Variants in ELFN1 observed in about 807,000 individuals in gnomAD.
ELFN1 encodes the protein protein ELFN1.
ELFN1 carries 6 observed loss-of-function variants against 7.6 expected under a neutral mutation model. The observed-to-expected ratio is 0.79, with a 90% CI of 0.43 to 1.56. ELFN1 has a LOEUF of 1.56. ELFN1 is among the 40% of genes most tolerant of loss of function. The pLI, the probability that ELFN1 is intolerant of heterozygous loss-of-function variation, is 0.01. For missense variants in ELFN1, 1,169 were observed against 1,232.2 expected (o/e 0.95, Z 0.77); for synonymous variants, 657 against 588.1 (o/e 1.12, Z -1.70).
At chr7:1,723,869 C>G (rs976333550) in intron 3 of ELFN1, among the ~76,000 whole-genome samples, 2 of 152,254 alleles carry the variant, frequency 1.3e-5, no homozygotes, top group African/African-American at 4.8e-5. Context: ...CCTGACGCCC[C>G]TGCCCTCAGC....
intron 1 of ELFN1, among the ~76,000 whole-genome samples, chr7:1,672,069 G>A (rs1218542881): frequency 2.0e-5 from 3 of 152,200 alleles, no homozygotes; most frequent in Non-Finnish European, 4.4e-5. Context: ...CTCGGCCGCA[G>A]CAGGACTGCT....
intron 3 of ELFN1, among the ~76,000 whole-genome samples, chr7:1,716,487 G>A (rs1187974602): frequency 1.3e-5 from 2 of 152,236 alleles, no homozygotes; most frequent in Admixed American, 6.5e-5. Context: ...GGACGTGGGC[G>A]TATGTCTGTG....
chr7:1,725,695 A>G (rs1780171737), intron 3 of ELFN1, among the ~76,000 whole-genome samples: 1 of 152,152 alleles, frequency 6.6e-6, no homozygotes, highest in South Asian at 2.1e-4. Flanking sequence ...TGTGTAACAC[A>G]TGTGTGCACG....
chr7:1,729,887 G>A (rs1460788798), intron 3 of ELFN1, among the ~76,000 whole-genome samples: 1 of 152,200 alleles, frequency 6.6e-6, no homozygotes, highest in Non-Finnish European at 1.5e-5. Context: ...ATGCCTACTG[G>A]GATGTCCATC....
rs1780555198 is a variant in ELFN1 at position 1,739,745 on chromosome 7, CAAGACAAA to C, written c.-293-4556_-293-4549del. On this transcript the variant is annotated intron_variant, in intron 3 of 3. Transcript: ENST00000424383. The surrounding 1 kb of genome is among the most constrained non-coding windows in gnomAD (Gnocchi z 4.6). ...GGCCAAGGGCTGCCGAGAGGCTGAG[CAAGACAAA>C]AATGGGCCCTGGCAGGGCAGAGGTC... Among the ~76,000 whole-genome samples, 1 of 151,990 alleles carries C rather than the reference CAAGACAAA, an allele frequency of 6.6e-6. No homozygotes were observed. The highest frequency in any genetic ancestry group is 1.5e-5 in the Non-Finnish European group (1 of 67,986).
At chr7:1,693,392 T>C in intron 2 of ELFN1, 1 of 471,178 alleles carries the variant, frequency 2.1e-6, no homozygotes, top group Non-Finnish European at 4.4e-6. Flanking sequence ...GTACACACAC[T>C]GGTGTGCCTG....
rs1779504798 is a variant in ELFN1 at position 1,705,118 on chromosome 7, C to T, written c.-455-3973C>T. On this transcript the variant is annotated intron_variant, in intron 2 of 3. Transcript: ENST00000424383. The surrounding 1 kb of genome is among the most constrained non-coding windows in gnomAD (Gnocchi z 4.3). ...GACACCCAGTGGCCAAAGGGCAGAG[C>T]CCGCAGGAGGTAACAGCCTGAGGGC... Among the ~76,000 whole-genome samples the T allele has an allele frequency of 6.6e-6, 1 of 152,058 alleles. No homozygotes were observed. The highest frequency in any genetic ancestry group is 2.4e-5 in the African/African-American group (1 of 41,410).
chr7:1,694,159 T>C lies in ELFN1; in HGVS notation c.-456+6009T>C, dbSNP rs373573611. On this transcript the variant is annotated intron_variant, in intron 2 of 3. Coordinates refer to ENST00000424383, the MANE Select transcript of ELFN1 (RefSeq NM_001128636.4). ...GCCAGCCCCGGCAGACCCAGGCCCC[T>C]CACACTCCACCATGCCCACCTCCAT... 1.7e-3 allele frequency: 404 copies of C among 232,644 alleles called. 3 individuals carry two copies. Among genetic ancestry groups the C allele is most frequent in the African/African-American group, 8.2e-3 (371 of 45,304 alleles). 14.4% of individuals were successfully genotyped at this position (232,644 alleles called of 1,614,324 possible). A position where few individuals can be genotyped will look rare whatever the true frequency, so the allele number is the denominator to read the frequency against.
rs1027333247 is a variant in ELFN1, at chr7:1,737,718, C to T, written c.-293-6586C>T. On this transcript the variant is annotated intron_variant, in intron 3 of 3. Transcript: ENST00000424383. ...CCCCTGCTGATGGGGGGCTCACTAC[C>T]TGCCACAGCTTGTTGGACAGAGCTG... Among the ~76,000 whole-genome samples the T allele has an allele frequency of 1.9e-4, 29 of 152,150 alleles. 1 individual carries two copies. The highest frequency in any genetic ancestry group is 7.0e-4 in the African/African-American group (29 of 41,440).
rs573488771 is a variant in ELFN1 at position 1,673,621 on chromosome 7, A to G, written c.-549+3267A>G. On this transcript the variant is annotated intron_variant, in intron 1 of 3. Transcript: ENST00000424383. This position sits in a 1 kb window ranked among gnomAD's most constrained non-coding sequence, Gnocchi z 4.7. ...ACCACCCTGGGAGCGCTGATGGCAG[A>G]CAAGGGCCAACTGTGTGCCCTACCT... is the stretch of plus-strand genomic sequence containing the variant. Among the ~76,000 whole-genome samples the G allele has an allele frequency of 2.0e-5, 3 of 152,328 alleles. No homozygotes were observed. In the South Asian group the frequency reaches 6.2e-4, roughly 32 times the overall value.
intron 2 of ELFN1, chr7:1,692,728 A>T (rs1779196620): frequency 6.5e-6 from 1 of 153,968 alleles, no homozygotes; most frequent in South Asian, 2.1e-4. Flanking sequence ...CCTCCCCTCA[A>T]CCTCACCAGC....
At chr7:1,714,628 C>T (rs1779773410) in intron 3 of ELFN1, among the ~76,000 whole-genome samples, 1 of 152,176 alleles carries the variant, frequency 6.6e-6, no homozygotes, top group Non-Finnish European at 1.5e-5. Context: ...GAGCCCAAGG[C>T]CTACTATTGC....
At chr7:1,727,113 G>T (rs143320065) in intron 3 of ELFN1, among the ~76,000 whole-genome samples, 1 of 152,072 alleles carries the variant, frequency 6.6e-6, no homozygotes, top group African/African-American at 2.4e-5. Context: ...ACCCTGTTCC[G>T]TCCATCTTGG....
At chr7:1,675,539 C>T (rs1778852798) in intron 1 of ELFN1, among the ~76,000 whole-genome samples, 1 of 152,248 alleles carries the variant, frequency 6.6e-6, no homozygotes, top group Admixed American at 6.5e-5. Flanking sequence ...CATTAACTCT[C>T]TCTAGTTTAA....
intron 3 of ELFN1, among the ~76,000 whole-genome samples, chr7:1,725,963 A>T (rs1329022885): frequency 6.9e-6 from 1 of 144,034 alleles, no homozygotes; most frequent in African/African-American, 2.7e-5. Flanking sequence ...AAAGTCACAC[A>T]ATACACAAAA....
intron 3 of ELFN1, among the ~76,000 whole-genome samples, chr7:1,722,729 T>C (rs1780061379): frequency 6.6e-6 from 1 of 152,184 alleles, no homozygotes; most frequent in Admixed American, 6.5e-5. Context: ...ATATTTAAGA[T>C]GTCTCAAATA....
Position 1,745,096 on chromosome 7 carries a change from G to A in ELFN1, c.500G>A (p.Arg167His), listed in dbSNP as rs763830123. ...NIVNIDLSMN[R>H]IQQLNSGTFA... ...GTCAACATCGACCTGTCCATGAACCGCATCCAGCAGCTCAACAGCGGCACC... is the reference window on the plus strand; with the variant it reads ...GTCAACATCGACCTGTCCATGAACCACATCCAGCAGCTCAACAGCGGCACC... The change falls in exon 4 of 4, where the codon CGC (arginine) becomes CAC (histidine). Residue 167 changes from arginine (R) to histidine (H), a missense_variant. Arg to His is a conservative substitution (Grantham distance 29, BLOSUM62 0). Around this residue, in one of 2 missense-constraint regions of ELFN1, gnomAD observed 255 missense variants for 359.6 expected, o/e 0.71. Coordinates refer to ENST00000424383, the MANE Select transcript of ELFN1 (RefSeq NM_001128636.4). 6 of 1,551,006 alleles carry A rather than the reference G, an allele frequency of 3.9e-6. No individual in the cohort carries two copies. The highest frequency in any genetic ancestry group is 5.2e-6 in the Non-Finnish European group (6 of 1,146,992).
rs1233064227 is a variant in ELFN1, at chr7:1,726,529, C to T, written c.-294+17277C>T. ...CTCACGCCCACCAGAGTGTGCTCCC[C>T]GGGGTCCCTGGATCCCCTGGGGTGT... On this transcript the variant is annotated intron_variant, in intron 3 of 3. Coordinates refer to ENST00000424383, the MANE Select transcript of ELFN1 (RefSeq NM_001128636.4). 6.6e-5 allele frequency among the ~76,000 whole-genome samples: 10 copies of T among 152,228 alleles called. 1 individual carries two copies. Among genetic ancestry groups the T allele is most frequent in the African/African-American group, 1.4e-4 (6 of 41,468 alleles).
At chr7:1,729,052 AGCCCAGCTCCTCCTGCCCCGCGGAGCT>A (rs1395002409) in intron 3 of ELFN1, among the ~76,000 whole-genome samples, 1 of 152,168 alleles carries the variant, frequency 6.6e-6, no homozygotes, top group African/African-American at 2.4e-5. Flanking sequence ...CTCAGCTTAA[AGCCCAGCTCCTCCTGCCCCGCGGAGCT>A]GCCACTGCCA....
Sources: gnomAD v4.1 joint callset for allele counts (sites outside exome capture counted in the v4.1 genomes callset) on GRCh38, gnomAD v4.1.1 for gene constraint, gnomAD v4.1.1 regional missense constraint, Gnocchi (gnomAD v3.1) non-coding constraint, MANE v1.5 for transcripts, NCBI Gene and HGNC (gene_info 2026-07-23, HGNC 2026-07-21) for gene names.